Variants in FIGN observed in about 807,000 individuals in gnomAD.
FIGN encodes fidgetin, microtubule severing factor.
Under a neutral mutation model 51.3 loss-of-function variants are expected in FIGN, and 11 were observed. The observed-to-expected ratio is 0.21, with a 90% CI of 0.13 to 0.35. The LOEUF (loss-of-function observed/expected upper bound fraction) is 0.35. Among genes scored for constraint, FIGN ranks in the 10% least tolerant of loss-of-function variants. The pLI is 1.00. For missense variants in FIGN, 857 were observed against 943.6 expected, an observed-to-expected ratio of 0.91 and a Z score of 1.20; for synonymous variants, 407 against 363.2, an observed-to-expected ratio of 1.12 and a Z score of -1.37.
chr2:163,728,996 T>C (rs1196768200), intron 2 of FIGN, among the ~76,000 whole-genome samples: 1 of 152,154 alleles, frequency 6.6e-6, no homozygotes, highest in East Asian at 1.9e-4. Flanking sequence ...CGGCTTCACA[T>C]TGCACTACCT....
intron 2 of FIGN, among the ~76,000 whole-genome samples, chr2:163,705,097 T>C (rs1573962169): frequency 6.6e-6 from 1 of 152,284 alleles, no homozygotes; most frequent in African/African-American, 2.4e-5. Flanking sequence ...TTTATTCTAA[T>C]CATAAGAGAC....
chr2:163,656,030 G>A (rs762550085), intron 2 of FIGN, among the ~76,000 whole-genome samples: 3 of 152,164 alleles, frequency 2.0e-5, no homozygotes, highest in African/African-American at 2.4e-5. Context: ...TGAATTAAAC[G>A]ACTGAGATTA....
rs186024530 is a variant in FIGN, at chr2:163,648,833, A to G, written c.26-37027T>C. 3.4e-3 allele frequency among the ~76,000 whole-genome samples: 515 copies of G among 152,324 alleles called. 3 individuals are homozygous for G. The highest frequency in any genetic ancestry group is 0.021 in the East Asian group (109 of 5,178). On this transcript the variant is annotated intron_variant, in intron 2 of 2. Coordinates refer to ENST00000333129, the MANE Select transcript of FIGN (RefSeq NM_018086.4). ...CATTCTTTTTACTCCAGTAACTTTT[A>G]GCTTGCAATTCTATTTATGAAGAGG...
chr2:163,707,163 A>G (rs976489202), intron 2 of FIGN, among the ~76,000 whole-genome samples: 1 of 152,146 alleles, frequency 6.6e-6, no homozygotes, highest in African/African-American at 2.4e-5. Context: ...TCTGGCCAAC[A>G]TGGTGAAACC....
At chr2:163,723,368 C>G (rs1198586905) in intron 2 of FIGN, among the ~76,000 whole-genome samples, 2 of 152,082 alleles carry the variant, frequency 1.3e-5, no homozygotes, top group East Asian at 1.9e-4. Context: ...TGTGTGCTCT[C>G]AAGCAATTTA....
rs1282455307 is a variant in FIGN at position 163,610,982 on chromosome 2, G to T, written c.850C>A (p.Pro284Thr). The change falls in exon 3 of 3, where the codon CCC becomes ACC. Residue 284 changes from proline (P) to threonine (T), a missense_variant. Physicochemically the swap from Pro to Thr is conservative, Grantham distance 38. Transcript: ENST00000333129. ...CCAGGAACAGTGGTGGGGGGTAGGG[G>T]GGTGGGAGCAGGAATTCCTGAAGGC... The part of the protein sequence containing the change: ...YLPSGIPAPT[P>T]LPPTTVPGYT... The T allele has an allele frequency of 6.2e-7, 1 of 1,613,686 alleles. No individual in the cohort carries two copies. The highest frequency in any genetic ancestry group is 8.5e-7 in the Non-Finnish European group (1 of 1,179,964).
intron 2 of FIGN, among the ~76,000 whole-genome samples, chr2:163,732,616 C>A (rs1166324803): frequency 6.6e-6 from 1 of 152,146 alleles, no homozygotes; most frequent in African/African-American, 2.4e-5. Flanking sequence ...CTGGGATTTC[C>A]CCTTCAACCT....
At chr2:163,681,443 G>A (rs1356599976) in intron 2 of FIGN, among the ~76,000 whole-genome samples, 2 of 151,894 alleles carry the variant, frequency 1.3e-5, no homozygotes, top group East Asian at 1.9e-4. Flanking sequence ...ATGAACAGTG[G>A]CTCATAATTA....
chr2:163,729,803 A>C (rs1684897071), intron 2 of FIGN, among the ~76,000 whole-genome samples: 1 of 152,208 alleles, frequency 6.6e-6, no homozygotes, highest in Non-Finnish European at 1.5e-5. Context: ...ACATAAATAC[A>C]TCTAAATTGA....
intron 2 of FIGN, among the ~76,000 whole-genome samples, chr2:163,731,804 A>G (rs527261308): frequency 1.4e-4 from 22 of 152,220 alleles, no homozygotes; most frequent in Admixed American, 3.3e-4. Context: ...CAACTCACAC[A>G]TACAGCTTCC....
At chr2:163,617,264 A>G in intron 2 of FIGN, 1 of 981,902 alleles carries the variant, frequency 1.0e-6, no homozygotes, top group Non-Finnish European at 1.2e-6. Context: ...TTCCATCTTT[A>G]GAGGACCAAA....
chr2:163,605,443 G>A lies in FIGN; in HGVS notation c.*4109C>T, dbSNP rs141508392. 2.5e-4 allele frequency: 38 copies of A among 151,680 alleles called. No homozygotes were observed. In the East Asian group the frequency reaches 6.2e-3, roughly 25 times the overall value. 9.4% of individuals were successfully genotyped at this position (151,680 alleles called of 1,614,324 possible). A position where few individuals can be genotyped will look rare whatever the true frequency, so the allele number is the denominator to read the frequency against. Reference sequence around the variant, plus strand: ...ATGATTCAACAACTGAAGGCTTTACGTTTCAAAAGAAAAAAAAACACATTA... The same window carrying A: ...ATGATTCAACAACTGAAGGCTTTACATTTCAAAAGAAAAAAAAACACATTA... On this transcript the variant is annotated 3_prime_UTR_variant, in exon 3 of 3. Coordinates refer to ENST00000333129, the MANE Select transcript of FIGN (RefSeq NM_018086.4).
chr2:163,698,820 T>C (rs547367866), intron 2 of FIGN, among the ~76,000 whole-genome samples: 7 of 152,270 alleles, frequency 4.6e-5, no homozygotes, highest in Admixed American at 2.6e-4. Flanking sequence ...GCCAGTAATA[T>C]GTCATGAAAA....
At chr2:163,734,853 T>G (rs762422354) in intron 2 of FIGN, 50 bp downstream of exon 2, 1 of 1,558,256 alleles carries the variant, frequency 6.4e-7, no homozygotes, top group Non-Finnish European at 8.7e-7. Flanking sequence ...GCTATTTCAT[T>G]TGTCTTTCCT....
At chr2:163,724,430 T>C (rs1000403227) in intron 2 of FIGN, among the ~76,000 whole-genome samples, 1 of 152,182 alleles carries the variant, frequency 6.6e-6, no homozygotes, top group Non-Finnish European at 1.5e-5. Flanking sequence ...ATATAAATGT[T>C]TGGTTTACAT....
chr2:163,704,342 G>A (rs1008093964), intron 2 of FIGN, among the ~76,000 whole-genome samples: 2 of 152,148 alleles, frequency 1.3e-5, no homozygotes, highest in South Asian at 2.1e-4. Context: ...TGGGTAAACT[G>A]AGGCATAAAG....
intron 2 of FIGN, among the ~76,000 whole-genome samples, chr2:163,663,310 T>C (rs970430383): frequency 6.6e-6 from 1 of 151,612 alleles, no homozygotes; most frequent in Admixed American, 6.6e-5. Context: ...TTCTGAATTG[T>C]AGATGTCAGG....
intron 2 of FIGN, chr2:163,612,532 C>T (rs538370428): frequency 4.1e-6 from 4 of 985,114 alleles, no homozygotes; most frequent in East Asian, 2.3e-4. Flanking sequence ...GCCTACAACT[C>T]GGTATGAATT....
chr2:163,701,620 C>T (rs537384349), intron 2 of FIGN, among the ~76,000 whole-genome samples: 5 of 152,320 alleles, frequency 3.3e-5, no homozygotes, highest in African/African-American at 9.6e-5. Context: ...TGAGGGGAGG[C>T]CCCTTTGGGA....
Sources: allele counts gnomAD v4.1 joint callset (sites outside exome capture counted in the v4.1 genomes callset), GRCh38; gene constraint gnomAD v4.1.1; transcripts MANE v1.5; gene names NCBI Gene and HGNC (gene_info 2026-07-23, HGNC 2026-07-21).